Variants in SLC38A11 observed in about 807,000 individuals in gnomAD.
SLC38A11 encodes solute carrier family 38 member 11.
Under a neutral mutation model 49.4 loss-of-function variants are expected in SLC38A11, and 51 were observed. That is an observed-to-expected ratio of 1.03 (90% CI 0.83 to 1.30). The LOEUF is 1.30. SLC38A11 is among the 50% of genes most tolerant of loss of function. The pLI, the probability that SLC38A11 is intolerant of heterozygous loss-of-function variation, is 0.00. For synonymous variants in SLC38A11, 203 were observed against 192.9 expected (o/e 1.05, Z -0.43); for missense variants, 574 against 556.2 (o/e 1.03, Z -0.32).
intron 7 of SLC38A11, among the ~76,000 whole-genome samples, chr2:164,925,571 C>T (rs1467896534): frequency 1.3e-5 from 2 of 152,094 alleles, no homozygotes; most frequent in African/African-American, 4.8e-5. Context: ...CACAAGGATC[C>T]CACAAAATGA....
chr2:164,905,228 C>T (rs1684914337), intron 11 of SLC38A11, among the ~76,000 whole-genome samples: 1 of 152,052 alleles, frequency 6.6e-6, no homozygotes, highest in African/African-American at 2.4e-5. Flanking sequence ...AGCAATTCTC[C>T]TGTCTCAGCC....
intron 2 of SLC38A11, among the ~76,000 whole-genome samples, chr2:164,953,861 G>T (rs1490607399): frequency 1.3e-5 from 2 of 152,068 alleles, no homozygotes; most frequent in African/African-American, 4.8e-5. Flanking sequence ...TGTCTTTTCT[G>T]AGATAGAGTG....
intron 7 of SLC38A11, among the ~76,000 whole-genome samples, chr2:164,918,753 AT>A (rs1685974615): frequency 6.6e-6 from 1 of 152,236 alleles, no homozygotes; most frequent in Non-Finnish European, 1.5e-5. Flanking sequence ...AGGTTACTGG[AT>A]ACAAGTTCAA....
intron 7 of SLC38A11, among the ~76,000 whole-genome samples, chr2:164,925,017 A>G (rs1005083323): frequency 1.3e-5 from 2 of 152,166 alleles, no homozygotes; most frequent in Non-Finnish European, 2.9e-5. Flanking sequence ...AAGTGCTGGG[A>G]TTACAGGCGT....
rs368571326 is a variant in SLC38A11, at chr2:164,898,483, T to C, written c.1343A>G (p.Gln448Arg). 3.1e-6 allele frequency: 5 copies of C among 1,613,400 alleles called. No homozygotes were observed. Among genetic ancestry groups the C allele is most frequent in the Non-Finnish European group, 4.2e-6 (5 of 1,179,566 alleles). ...TAAAGTAGAAAGTTGTGTTGTCTGC[T>C]GAACATGAGACTCTGAGGTATTTGT... ...SLTNTSESHVQQTTQLSTLNI... is the reference protein window; with the variant it reads ...SLTNTSESHVRQTTQLSTLNI... Residue 448 changes from glutamine (Q) to arginine (R), a missense_variant, in exon 12 of 12, where the codon CAG (glutamine) becomes CGG (arginine). Transcript: ENST00000685975.
Position 164,922,755 on chromosome 2 carries a change from C to T in SLC38A11, c.618-6782G>A, listed in dbSNP as rs1042902389. 2.0e-5 allele frequency among the ~76,000 whole-genome samples: 3 copies of T among 151,908 alleles called. No individual in the cohort carries two copies. In the East Asian group the frequency reaches 5.8e-4, roughly 29 times the overall value. ...GAAATTCGTATGGAATGAGAAAAGC[C>T]CCATTAGCTAAAACAACCCTGAATA... On this transcript the variant is annotated intron_variant, in intron 7 of 11. Transcript: ENST00000685975.
At chr2:164,909,188 ATG>A (rs1202267641) in intron 10 of SLC38A11, among the ~76,000 whole-genome samples, 1 of 152,134 alleles carries the variant, frequency 6.6e-6, no homozygotes, top group Non-Finnish European at 1.5e-5. Flanking sequence ...TTAATACTGG[ATG>A]TGTAATATCC....
At chr2:164,913,652 T>C (rs1434791407) in intron 9 of SLC38A11, among the ~76,000 whole-genome samples, 6 of 104,672 alleles carry the variant, frequency 5.7e-5, no homozygotes, top group African/African-American at 1.9e-4. Flanking sequence ...TCCAGGAAGA[T>C]GTAACTAACA....
At chr2:164,910,379 C>A (rs1021951414) in intron 10 of SLC38A11, among the ~76,000 whole-genome samples, 1 of 152,016 alleles carries the variant, frequency 6.6e-6, no homozygotes, top group Non-Finnish European at 1.5e-5. Flanking sequence ...TTTGAACCTA[C>A]GTACTGAGCA....
intron 10 of SLC38A11, among the ~76,000 whole-genome samples, chr2:164,910,991 A>G (rs1434420708): frequency 6.6e-6 from 1 of 151,856 alleles, no homozygotes; most frequent in African/African-American, 2.4e-5. Flanking sequence ...AATACAATAT[A>G]TTTATATGTA....
In SLC38A11 at chr2:164,924,498, T is replaced by A. The variant is rs184555636; in HGVS notation, c.618-8525A>T. On this transcript the variant is annotated intron_variant, in intron 7 of 11. Coordinates refer to ENST00000685975, the MANE Select transcript of SLC38A11 (RefSeq NM_001351537.2). ...CAAACCTGCACCTGTATCCCCTGAA[T>A]ATAAAATACAAGTTGAAATTATTTT... Among the ~76,000 whole-genome samples, 5 of 152,294 alleles carry A rather than the reference T, an allele frequency of 3.3e-5. No individual in the cohort carries two copies. In the East Asian group the frequency reaches 9.7e-4, roughly 29 times the overall value.
intron 11 of SLC38A11, among the ~76,000 whole-genome samples, chr2:164,903,953 A>C (rs1684827282): frequency 6.6e-6 from 1 of 152,176 alleles, no homozygotes. Context: ...ATGCTTATAC[A>C]TCTTTTAAAT....
intron 5 of SLC38A11, among the ~76,000 whole-genome samples, chr2:164,940,387 A>G (rs937883227): frequency 1.3e-5 from 2 of 151,130 alleles, no homozygotes; most frequent in East Asian, 1.9e-4. Context: ...AAGGAGCTAT[A>G]TATCTATTTC....
At position 164,955,226 on chromosome 2, in the gene SLC38A11, G is replaced by T. The variant is rs774602846; in HGVS notation, c.22C>A (p.Pro8Thr). 5 of 1,550,386 alleles carry T rather than the reference G, an allele frequency of 3.2e-6. No homozygotes were observed. In the South Asian group the frequency reaches 3.6e-5, roughly 11 times the overall value. MGYQRQE[P>T]VIPPQRDLDD... is the part of the protein sequence containing the mutation. ...AGTTTTACCTGCGGCGGGATGACAG[G>T]CTCCTGCCTCTGGTAGCCCATGGCT... Residue 8 changes from proline (P) to threonine (T), a missense_variant, in exon 1 of 12, where the codon CCT becomes ACT. Coordinates refer to ENST00000685975, the MANE Select transcript of SLC38A11 (RefSeq NM_001351537.2).
At chr2:164,952,983 G>A in intron 2 of SLC38A11, 1 of 496,004 alleles carries the variant, frequency 2.0e-6, no homozygotes, top group Non-Finnish European at 3.5e-6. Flanking sequence ...ATTAGCTTAG[G>A]GACAAGTTAA....
intron 7 of SLC38A11, among the ~76,000 whole-genome samples, chr2:164,927,695 A>G (rs1409010703): frequency 6.6e-6 from 1 of 152,080 alleles, no homozygotes; most frequent in Non-Finnish European, 1.5e-5. Flanking sequence ...GACTCAACTT[A>G]TGCTTGTTTA....
intron 6 of SLC38A11, chr2:164,937,635 C>T: frequency 2.2e-6 from 1 of 448,438 alleles, no homozygotes; most frequent in Non-Finnish European, 4.0e-6. Flanking sequence ...GCACCCACCC[C>T]AAGTAGGTGA....
At chr2:164,898,764 A>G (rs774644508) in intron 11 of SLC38A11, 34 bp from the exon 12 acceptor site, 21 of 1,574,824 alleles carry the variant, frequency 1.3e-5, no homozygotes, top group Middle Eastern at 1.7e-4. Context: ...AGATAATGTC[A>G]CTAGATGGAA....
At chr2:164,907,510 TC>T (rs1685103135) in intron 11 of SLC38A11, among the ~76,000 whole-genome samples, 1 of 151,990 alleles carries the variant, frequency 6.6e-6, no homozygotes, top group Non-Finnish European at 1.5e-5. Context: ...AAGCAATCCA[TC>T]CACTTTGGCC....
Sources: allele counts gnomAD v4.1 joint callset (sites outside exome capture counted in the v4.1 genomes callset), GRCh38; gene constraint gnomAD v4.1.1; transcripts MANE v1.5; gene names NCBI Gene and HGNC (gene_info 2026-07-23, HGNC 2026-07-21).